Variants in NUP153 observed in about 807,000 individuals in gnomAD.
NUP153 encodes the protein nucleoporin 153.
Under a neutral mutation model 134.6 loss-of-function variants are expected in NUP153, and 27 were observed. The observed-to-expected ratio is 0.20, with a 90% CI of 0.15 to 0.28. NUP153 has a LOEUF of 0.28. Among genes scored for constraint, NUP153 ranks in the 10% least tolerant of loss-of-function variants. The pLI is 1.00. For missense variants in NUP153, 1,821 were observed against 1,731.3 expected (o/e 1.05, Z -0.92); for synonymous variants, 640 against 623.5 (o/e 1.03, Z -0.40).
At chr6:17,666,463 G>A (rs555826456) in intron 8 of NUP153, among the ~76,000 whole-genome samples, 1 of 152,090 alleles carries the variant, frequency 6.6e-6, no homozygotes, top group African/African-American at 2.4e-5. Context: ...TCAATGGGCC[G>A]AGATTGTGCC....
chr6:17,627,723 T>G (rs1314334710), intron 18 of NUP153, among the ~76,000 whole-genome samples: 1 of 152,204 alleles, frequency 6.6e-6, no homozygotes, highest in Non-Finnish European at 1.5e-5. Context: ...CATTTTCACT[T>G]TAAGGGCACT....
chr6:17,675,185 C>T lies in NUP153; in HGVS notation c.723+44G>A, dbSNP rs1768143523. On this transcript the variant is annotated intron_variant, in intron 4 of 21. Coordinates refer to ENST00000262077, the MANE Select transcript of NUP153 (RefSeq NM_005124.4). The surrounding 1 kb of genome is among the most constrained non-coding windows in gnomAD (Gnocchi z 4.4). The stretch of plus-strand genomic sequence containing the variant: ...AAAAAAAAAAATTATAAGCAATAAA[C>T]ACTCAAAACTAATGTGATTAAATCC... 6.3e-7 allele frequency: 1 copy of T among 1,577,496 alleles called. No individual in the cohort carries two copies. The highest frequency in any genetic ancestry group is 8.6e-7 in the Non-Finnish European group (1 of 1,161,048).
chr6:17,666,911 C>T (rs774805927), intron 8 of NUP153, among the ~76,000 whole-genome samples: 3 of 152,208 alleles, frequency 2.0e-5, no homozygotes, highest in South Asian at 2.1e-4. Flanking sequence ...TTCCCTAAAA[C>T]CTCTTCGCAA....
intron 16 of NUP153, among the ~76,000 whole-genome samples, chr6:17,634,455 G>A (rs1363584165): frequency 7.2e-6 from 1 of 139,358 alleles, no homozygotes; most frequent in East Asian, 2.0e-4. Context: ...TTTTTTTTTT[G>A]AGACAGAGTC....
rs781203762 is a variant in NUP153, at chr6:17,629,274, A to G, written c.2925T>C (p.Asp975=). Reference sequence around the variant, plus strand: ...CAAACTTAAAATTATCATTCTTACTATCTTTTTTAACTTCTTCGGGCTTAG... The same window carrying G: ...CAAACTTAAAATTATCATTCTTACTGTCTTTTTTAACTTCTTCGGGCTTAG... The part of the protein sequence containing the change: ...SESKPEEVKK[D]SKNDNFKFGL... Residue 975 remains aspartate (D), a synonymous_variant, in exon 18 of 22, where the codon GAT becomes GAC. Coordinates refer to ENST00000262077, the MANE Select transcript of NUP153 (RefSeq NM_005124.4). 5 of 1,611,528 alleles carry G rather than the reference A, an allele frequency of 3.1e-6. No individual in the cohort carries two copies. Among genetic ancestry groups the G allele is most frequent in the Non-Finnish European group, 2.5e-6 (3 of 1,179,390 alleles).
chr6:17,665,374 T>C lies in NUP153; in HGVS notation c.1080A>G (p.Gln360=), dbSNP rs149374964. The change falls in exon 9 of 22, where the codon CAA becomes CAG. Residue 360 remains glutamine (Q), a synonymous_variant. Transcript: ENST00000262077. ...TCATAAGTCTCTGAACAGGAGGATA[T>C]TGAGAATCCACCTTACAGGTAAAGA... ...FQAKREKVDS[Q]YPPVQRLMTP... is the part of the protein sequence containing the mutation. The C allele has an allele frequency of 1.9e-4, 305 of 1,610,416 alleles. 1 individual carries two copies. The African/African-American group carries it at 2.0e-3, about 11-fold the overall frequency.
At position 17,626,088 on chromosome 6, in the gene NUP153, A is replaced by G. The variant is rs1561854263; in HGVS notation, c.3621T>C (p.Ala1207=). ...TGGAACTACCAAATATGCCACCACC[A>G]GCAGAAGTGGCTGGTGTACTTGAAC... is the stretch of plus-strand genomic sequence containing the variant. ...SSSSSTPATS[A]GGGIFGSSTS... Residue 1207 remains alanine (A), a synonymous_variant, in exon 19 of 22, where the codon GCT becomes GCC. Coordinates refer to ENST00000262077, the MANE Select transcript of NUP153 (RefSeq NM_005124.4). 7 of 1,613,854 alleles carry G rather than the reference A, an allele frequency of 4.3e-6. No homozygotes were observed. The highest frequency in any genetic ancestry group is 5.1e-6 in the Non-Finnish European group (6 of 1,180,042).
chr6:17,618,714 C>T (rs934093533), intron 20 of NUP153, among the ~76,000 whole-genome samples: 13 of 151,908 alleles, frequency 8.6e-5, no homozygotes, highest in South Asian at 2.1e-4. Context: ...TACAGGCGCC[C>T]GCCACCACGC....
At chr6:17,676,534 C>G (rs1367895223) in intron 2 of NUP153, among the ~76,000 whole-genome samples, 1 of 152,072 alleles carries the variant, frequency 6.6e-6, no homozygotes, top group Non-Finnish European at 1.5e-5. Flanking sequence ...TCTTCAGAGG[C>G]ATTTTCAAAA....
intron 2 of NUP153, among the ~76,000 whole-genome samples, chr6:17,686,169 GAA>G (rs1176525562): frequency 3.3e-5 from 5 of 151,564 alleles, no homozygotes; most frequent in Non-Finnish European, 7.4e-5. Context: ...AAGAAAGAAA[GAA>G]AGAAAGAAAA....
chr6:17,674,414 A>G (rs1768095775), intron 5 of NUP153, among the ~76,000 whole-genome samples: 1 of 152,204 alleles, frequency 6.6e-6, no homozygotes, highest in African/African-American at 2.4e-5. Flanking sequence ...AATAATGTTT[A>G]TATACCCTAA....
At chr6:17,624,205 T>C (rs1239956641) in intron 20 of NUP153, among the ~76,000 whole-genome samples, 2 of 152,164 alleles carry the variant, frequency 1.3e-5, no homozygotes, top group East Asian at 1.9e-4. Flanking sequence ...GCACTGGACC[T>C]GGGGGTAACT....
chr6:17,628,573 C>T lies in NUP153; in HGVS notation c.3544+82G>A. 2.9e-6 allele frequency: 2 copies of T among 680,444 alleles called. No homozygotes were observed. The highest frequency in any genetic ancestry group is 8.7e-5 in the Admixed American group (2 of 22,860). 42.2% of individuals were successfully genotyped at this position (680,444 alleles called of 1,614,324 possible). On this transcript the variant is annotated intron_variant, in intron 18 of 21. Coordinates refer to ENST00000262077, the MANE Select transcript of NUP153 (RefSeq NM_005124.4). This position sits in a 1 kb window ranked among gnomAD's most constrained non-coding sequence, Gnocchi z 5.4. ...TCAGTGTAAACCATTAATTGACTTGCTGCATCTGTCAAGGCAACTTGTAAA... is the reference window on the plus strand; with the variant it reads ...TCAGTGTAAACCATTAATTGACTTGTTGCATCTGTCAAGGCAACTTGTAAA...
intron 1 of NUP153, among the ~76,000 whole-genome samples, chr6:17,689,362 G>T (rs1275230437): frequency 6.6e-6 from 1 of 151,636 alleles, no homozygotes; most frequent in East Asian, 1.9e-4. Flanking sequence ...ACTCTAGCCC[G>T]GGCAACAAGG....
At chr6:17,647,625 A>G (rs1488403678) in intron 13 of NUP153, among the ~76,000 whole-genome samples, 182 bp downstream of exon 13, 2 of 152,280 alleles carry the variant, frequency 1.3e-5, no homozygotes, top group Non-Finnish European at 2.9e-5. Flanking sequence ...ATGAATATGC[A>G]TACATATGTA....
At chr6:17,639,891 T>C in intron 15 of NUP153, 48 bp downstream of exon 15, 1 of 1,523,356 alleles carries the variant, frequency 6.6e-7, no homozygotes, top group Non-Finnish European at 8.9e-7. Flanking sequence ...GACATTAAAT[T>C]GAGATCATGA....
intron 18 of NUP153, among the ~76,000 whole-genome samples, 158 bp from the exon 19 acceptor site, chr6:17,626,322 A>G (rs2113768943): frequency 6.6e-6 from 1 of 152,366 alleles, no homozygotes; most frequent in African/African-American, 2.4e-5. Context: ...ATCTGTTTAT[A>G]TTAGATTTTG....
At chr6:17,646,775 T>C (rs1365142616) in intron 13 of NUP153, among the ~76,000 whole-genome samples, 3 of 152,056 alleles carry the variant, frequency 2.0e-5, no homozygotes, top group Admixed American at 1.3e-4. Context: ...GTTTCACTCT[T>C]GTTGCCTGAG....
rs1764346852 is a variant in NUP153 at position 17,616,650 on chromosome 6, G to T, written c.4220C>A (p.Thr1407Lys). ...FGSSTTNFNFTNNSPSGVFTF... is the reference protein window; with the variant it reads ...FGSSTTNFNFKNNSPSGVFTF... ...GAACACTCCTGATGGACTGTTGTTT[G>T]TGAAGTTGAAATTTGTAGTGCTGCT... The change falls in exon 21 of 22, where the codon ACA (threonine) becomes AAA (lysine). Residue 1407 changes from threonine (T) to lysine (K), a missense_variant. Physicochemically the swap from Thr to Lys is moderately conservative, Grantham distance 78. Transcript: ENST00000262077. 2 of 1,613,890 alleles carry T rather than the reference G, an allele frequency of 1.2e-6. No individual in the cohort carries two copies. Among genetic ancestry groups the T allele is most frequent in the East Asian group, 2.2e-5 (1 of 44,884 alleles).
Sources: gnomAD v4.1 joint callset for allele counts (sites outside exome capture counted in the v4.1 genomes callset) on GRCh38, gnomAD v4.1.1 for gene constraint, Gnocchi (gnomAD v3.1) non-coding constraint, MANE v1.5 for transcripts, NCBI Gene and HGNC (gene_info 2026-07-23, HGNC 2026-07-21) for gene names.